Variants in RYR3 observed in about 807,000 individuals in gnomAD.
The protein encoded by RYR3 is ryanodine receptor 3, also known as brain ryanodine receptor-calcium release channel.
RYR3 carries 207 observed loss-of-function variants against 584.3 expected under a neutral mutation model. The ratio of observed to expected loss-of-function variants is 0.35; its 90% CI spans 0.32 to 0.40. The LOEUF (loss-of-function observed/expected upper bound fraction) is 0.40. RYR3 is among the 10% of genes least tolerant of loss of function. RYR3 has a pLI of 1.00. For missense variants in RYR3, 5,616 were observed against 6,089.2 expected (o/e 0.92, Z 2.59); for synonymous variants, 2,416 against 2,248.5 (o/e 1.07, Z -2.11).
Position 33,623,983 on chromosome 15 carries a change from C to T in RYR3, c.2534C>T (p.Ser845Phe). 6.2e-7 allele frequency: 1 copy of T among 1,613,994 alleles called. No individual in the cohort carries two copies. Among genetic ancestry groups the T allele is most frequent in the South Asian group, 1.1e-5 (1 of 91,086 alleles). ...CTCTTGGGTACCACCCAGTTCCTCTCCCAAGCCTCTTTCATCCCATGCCCC... is the reference window on the plus strand; with the variant it reads ...CTCTTGGGTACCACCCAGTTCCTCTTCCAAGCCTCTTTCATCCCATGCCCC... ...RDLLGTTQFL[S>F]QASFIPCPVD... The change falls in exon 20 of 104, where the codon TCC (serine) becomes TTC (phenylalanine). Residue 845 changes from serine (S) to phenylalanine (F), a missense_variant. Coordinates refer to ENST00000634891, the MANE Select transcript of RYR3 (RefSeq NM_001036.6).
At chr15:33,370,836 A>ACT (rs1241691404) in intron 1 of RYR3, among the ~76,000 whole-genome samples, 12 of 152,056 alleles carry the variant, frequency 7.9e-5, no homozygotes, top group African/African-American at 2.9e-4. Context: ...AATAAAGATG[A>ACT]CTCATATCTA....
intron 69 of RYR3, among the ~76,000 whole-genome samples, chr15:33,803,655 C>A (rs1298808358): frequency 3.9e-5 from 6 of 152,156 alleles, no homozygotes; most frequent in Admixed American, 3.9e-4. Context: ...GCTGGAGCTA[C>A]AGGCGCACGC....
chr15:33,706,138 T>TAA (rs956183123), intron 42 of RYR3, among the ~76,000 whole-genome samples: 15 of 148,278 alleles, frequency 1.0e-4, no homozygotes, highest in Admixed American at 1.0e-3. Context: ...AGCTATCTTA[T>TAA]AAAAAAAAAA....
At chr15:33,632,007 A>C (rs1022182034) in intron 23 of RYR3, among the ~76,000 whole-genome samples, 2 of 152,248 alleles carry the variant, frequency 1.3e-5, no homozygotes, top group Non-Finnish European at 2.9e-5. Context: ...GACAGGCTGC[A>C]GTGGAGGAAC....
intron 1 of RYR3, among the ~76,000 whole-genome samples, chr15:33,393,047 C>T (rs1259142287): frequency 6.6e-6 from 1 of 152,144 alleles, no homozygotes; most frequent in Non-Finnish European, 1.5e-5. Context: ...CTCTAAGAGC[C>T]CTGAATGAAT....
intron 18 of RYR3, among the ~76,000 whole-genome samples, chr15:33,605,609 T>C (rs1400718860): frequency 6.6e-6 from 1 of 152,202 alleles, no homozygotes; most frequent in South Asian, 2.1e-4. Context: ...GTCTCCAAGT[T>C]TTATACGTTT....
chr15:33,497,064 G>A (rs2051504053), intron 2 of RYR3, among the ~76,000 whole-genome samples: 1 of 152,188 alleles, frequency 6.6e-6, no homozygotes, highest in Admixed American at 6.5e-5. Context: ...AAAGGACAGT[G>A]AGGTTAATTG....
In RYR3 at chr15:33,834,958, T is replaced by C. The variant is rs2077944789; in HGVS notation, c.11464-10T>C. 1.2e-6 allele frequency: 2 copies of C among 1,612,496 alleles called. No individual in the cohort carries two copies. The highest frequency in any genetic ancestry group is 1.3e-5 in the African/African-American group (1 of 75,038). The stretch of plus-strand genomic sequence containing the variant: ...GTTTAAGTGACATAAGAATGTCCTC[T>C]TCTCTGCAGGGCCCTTGCATTGGTA... On this transcript the variant is annotated splice_polypyrimidine_tract_variant and intron_variant, in intron 86 of 103. Coordinates refer to ENST00000634891, the MANE Select transcript of RYR3 (RefSeq NM_001036.6).
At chr15:33,376,851 T>A (rs987652049) in intron 1 of RYR3, among the ~76,000 whole-genome samples, 2 of 152,278 alleles carry the variant, frequency 1.3e-5, no homozygotes, top group African/African-American at 4.8e-5. Flanking sequence ...AGATATCTAA[T>A]TGTTCTAGCA....
Position 33,623,910 on chromosome 15 carries a change from T to A in RYR3, c.2461T>A (p.Leu821Met), listed in dbSNP as rs1457707128. ...EALLPKEKMR[L>M]EPVKEYKRDA... is the part of the protein sequence containing the mutation. ...CTTACTTCCAAAAGAGAAGATGAGA[T>A]TGGAGCCTGTCAAAGAATATAAACG... Residue 821 changes from leucine to methionine, a missense_variant, in exon 20 of 104, where the codon TTG (leucine) becomes ATG (methionine). By Grantham distance (15) the Leu-to-Met change is conservative. Around this residue, in one of 9 missense-constraint regions of RYR3, gnomAD observed 1,284 missense variants for 1,344.6 expected, o/e 0.95. Coordinates refer to ENST00000634891, the MANE Select transcript of RYR3 (RefSeq NM_001036.6). The A allele has an allele frequency of 1.2e-6, 2 of 1,613,926 alleles. No individual in the cohort carries two copies. The highest frequency in any genetic ancestry group is 1.7e-6 in the Non-Finnish European group (2 of 1,179,796).
intron 3 of RYR3, among the ~76,000 whole-genome samples, chr15:33,506,730 G>C (rs561329443): frequency 6.6e-6 from 1 of 152,174 alleles, no homozygotes; most frequent in African/African-American, 2.4e-5. Flanking sequence ...TCACAATTCC[G>C]TCTGGGCTCT....
chr15:33,475,745 C>T (rs766660088), intron 2 of RYR3, among the ~76,000 whole-genome samples: 3 of 152,218 alleles, frequency 2.0e-5, no homozygotes, highest in African/African-American at 7.2e-5. Context: ...TGAGTTTTCT[C>T]ATCTGCTTAA....
intron 18 of RYR3, among the ~76,000 whole-genome samples, chr15:33,604,708 C>T (rs897164442): frequency 6.6e-6 from 1 of 152,166 alleles, no homozygotes; most frequent in African/African-American, 2.4e-5. Context: ...CCTAATTCTT[C>T]ATGGAACGTG....
At chr15:33,845,201 A>G (rs1282820545) in intron 93 of RYR3, 139 bp downstream of exon 93, 2 of 744,628 alleles carry the variant, frequency 2.7e-6, no homozygotes, top group Non-Finnish European at 4.4e-6. Flanking sequence ...GCAGCACATC[A>G]CTTGGGAGCT....
Position 33,505,558 on chromosome 15 carries a change from C to T in RYR3, c.279+1820C>T, listed in dbSNP as rs151200664. Among the ~76,000 whole-genome samples the T allele has an allele frequency of 1.3e-3, 203 of 152,314 alleles. 2 individuals carry two copies. The highest frequency in any genetic ancestry group is 4.5e-3 in the African/African-American group (186 of 41,556). On this transcript the variant is annotated intron_variant, in intron 3 of 103. Coordinates refer to ENST00000634891, the MANE Select transcript of RYR3 (RefSeq NM_001036.6). Reference sequence around the variant, plus strand: ...CCAGGCTGGAGTGCAGTGGTAAGATCTCTGCTCACTGCAAGCTCCGCCTCC... The same window carrying T: ...CCAGGCTGGAGTGCAGTGGTAAGATTTCTGCTCACTGCAAGCTCCGCCTCC...
At chr15:33,751,101 A>G (rs894669745) in intron 57 of RYR3, among the ~76,000 whole-genome samples, 2 of 152,166 alleles carry the variant, frequency 1.3e-5, no homozygotes, top group Non-Finnish European at 2.9e-5. Flanking sequence ...TCCATGGTGT[A>G]TATGTGCCAC....
At chr15:33,379,142 C>T (rs78380091) in intron 1 of RYR3, among the ~76,000 whole-genome samples, 11,633 of 152,244 alleles carry the variant, frequency 0.076, 607 homozygotes, top group Middle Eastern at 0.15. Flanking sequence ...TTCTGATAGT[C>T]TTCTCATCAG....
chr15:33,358,003 A>G (rs1320912464), intron 1 of RYR3, among the ~76,000 whole-genome samples: 1 of 152,162 alleles, frequency 6.6e-6, no homozygotes, highest in Non-Finnish European at 1.5e-5. Context: ...GCAAAAGCAT[A>G]CATCAGTGCC....
chr15:33,387,957 A>G (rs189464534), intron 1 of RYR3, among the ~76,000 whole-genome samples: 1 of 130,420 alleles, frequency 7.7e-6, no homozygotes, highest in African/African-American at 2.5e-5. Context: ...AGGAAATTAT[A>G]AAAAAAATTT....
Sources: allele counts gnomAD v4.1 joint callset (sites outside exome capture counted in the v4.1 genomes callset), GRCh38; gene constraint gnomAD v4.1.1; regional missense constraint gnomAD v4.1.1; transcripts MANE v1.5; gene names NCBI Gene and HGNC (gene_info 2026-07-23, HGNC 2026-07-21).